The following GRIA1 variants were observed in gnomAD, a reference collection of about 807,000 sequenced individuals.
GRIA1 encodes the protein glutamate receptor 1.
Under a neutral mutation model 99.2 loss-of-function variants are expected in GRIA1, and 31 were observed. The observed-to-expected ratio is 0.31, with a 90% CI of 0.23 to 0.42. The LOEUF is 0.42. GRIA1 is among the 10% of genes least tolerant of loss of function. The probability of loss-of-function intolerance (pLI) is 1.00; values close to 1 mark genes in which losing one functional copy is unlikely to be tolerated. For missense variants in GRIA1, 782 were observed against 1,157.5 expected (o/e 0.68, Z 4.71); for synonymous variants, 438 against 432.4 (o/e 1.01, Z -0.16).
intron 8 of GRIA1, among the ~76,000 whole-genome samples, chr5:153,697,321 C>T (rs1758186965): frequency 6.6e-6 from 1 of 152,228 alleles, no homozygotes; most frequent in Non-Finnish European, 1.5e-5. Context: ...TGCATCTCGT[C>T]AACCCTGCCT....
At chr5:153,659,609 C>A (rs1480467885) in intron 5 of GRIA1, among the ~76,000 whole-genome samples, 2 of 152,188 alleles carry the variant, frequency 1.3e-5, no homozygotes, top group Admixed American at 6.5e-5. Flanking sequence ...AAACAGAGGA[C>A]CTGTGGACCT....
intron 13 of GRIA1, among the ~76,000 whole-genome samples, chr5:153,780,430 A>G (rs1339946510): frequency 1.3e-5 from 2 of 152,216 alleles, no homozygotes; most frequent in South Asian, 2.1e-4. Context: ...CTAGTTAATA[A>G]CAACTGTTTC....
chr5:153,727,590 T>A (rs914374536), intron 11 of GRIA1, among the ~76,000 whole-genome samples: 2 of 152,066 alleles, frequency 1.3e-5, no homozygotes, highest in Admixed American at 1.3e-4. Context: ...TATACACCAA[T>A]AACAGGCAAA....
chr5:153,510,345 G>T (rs996955279), intron 2 of GRIA1, among the ~76,000 whole-genome samples: 1 of 152,074 alleles, frequency 6.6e-6, no homozygotes, highest in Non-Finnish European at 1.5e-5. Context: ...ATTTGTAATT[G>T]AGACAGTTTC....
At chr5:153,491,697 C>T (rs1659756143) in intron 1 of GRIA1, among the ~76,000 whole-genome samples, 1 of 152,160 alleles carries the variant, frequency 6.6e-6, no homozygotes, top group Admixed American at 6.5e-5. Context: ...ACCTTTTACA[C>T]ACACAAACAC....
At chr5:153,701,619 CA>C (rs70978504) in intron 10 of GRIA1, among the ~76,000 whole-genome samples, 822 of 39,392 alleles carry the variant, frequency 0.021, 18 homozygotes, top group African/African-American at 0.066. Context: ...AGACCCGTCT[CA>C]AAAAAAAAAA....
At chr5:153,707,220 A>G (rs775996912) in intron 11 of GRIA1, among the ~76,000 whole-genome samples, 11 of 152,218 alleles carry the variant, frequency 7.2e-5, no homozygotes, top group Non-Finnish European at 1.2e-4. Flanking sequence ...AGCCCCCCAC[A>G]TGGAATCAGA....
At chr5:153,494,290 A>T in intron 2 of GRIA1, 1 of 533,976 alleles carries the variant, frequency 1.9e-6, no homozygotes, top group Non-Finnish European at 3.3e-6. Context: ...ACTGTCAGCT[A>T]ACTTTAATGC....
chr5:153,729,551 T>TA (rs1377870867), intron 11 of GRIA1, among the ~76,000 whole-genome samples: 1 of 152,018 alleles, frequency 6.6e-6, no homozygotes, highest in African/African-American at 2.4e-5. Flanking sequence ...CATCCAGCTC[T>TA]CTGCAAATTC....
chr5:153,494,327 G>A (rs544382002), intron 2 of GRIA1: 3 of 435,912 alleles, frequency 6.9e-6, no homozygotes, highest in East Asian at 4.0e-5. Context: ...TGGGTTGACT[G>A]CATCTTCCCT....
intron 2 of GRIA1, among the ~76,000 whole-genome samples, chr5:153,572,336 G>A (rs1173978666): frequency 6.6e-6 from 1 of 152,190 alleles, no homozygotes; most frequent in Non-Finnish European, 1.5e-5. Context: ...GACCCGCAAA[G>A]AGTACACCAT....
rs1766957352 is a variant in GRIA1, at chr5:153,813,395, C to T, written c.*2170C>T. ...TTGGCCTAGTAAGATGCCTCTCCAG[C>T]TACTGAGCCCACAAGTAACATGAGC... is the stretch of plus-strand genomic sequence containing the variant. On this transcript the variant is annotated 3_prime_UTR_variant, in exon 16 of 16. Transcript: ENST00000285900. The T allele has an allele frequency of 6.6e-6, 1 of 152,158 alleles. No individual in the cohort carries two copies. The highest frequency in any genetic ancestry group is 2.4e-5 in the African/African-American group (1 of 41,422). The allele number at this position is 152,158 out of a possible 1,614,324, so 9.4% of individuals were successfully genotyped here.
At chr5:153,746,542 G>T (rs1561824994) in intron 11 of GRIA1, among the ~76,000 whole-genome samples, 1 of 152,174 alleles carries the variant, frequency 6.6e-6, no homozygotes, top group Non-Finnish European at 1.5e-5. Context: ...CCAGAGATAT[G>T]TTTGGCCACA....
chr5:153,767,222 G>A (rs540854817), intron 12 of GRIA1, among the ~76,000 whole-genome samples: 2 of 152,328 alleles, frequency 1.3e-5, no homozygotes, highest in South Asian at 2.1e-4. Context: ...ACTGGGTTAT[G>A]CCTGTGTTCT....
chr5:153,763,307 G>C (rs987256044), intron 11 of GRIA1, among the ~76,000 whole-genome samples: 2 of 152,128 alleles, frequency 1.3e-5, no homozygotes, highest in Non-Finnish European at 2.9e-5. Context: ...CTGCTGTCCC[G>C]AGGCACAGTA....
intron 2 of GRIA1, among the ~76,000 whole-genome samples, chr5:153,545,405 G>A (rs942521561): frequency 5.3e-5 from 8 of 152,148 alleles, no homozygotes; most frequent in Non-Finnish European, 1.0e-4. Flanking sequence ...TGTCTTCAGG[G>A]ACTGGGGGGA....
intron 2 of GRIA1, among the ~76,000 whole-genome samples, chr5:153,638,289 A>G (rs149541028): frequency 6.6e-6 from 1 of 152,386 alleles, no homozygotes; most frequent in Non-Finnish European, 1.5e-5. Flanking sequence ...ACTGAGTTAG[A>G]CATAGATCCT....
intron 2 of GRIA1, among the ~76,000 whole-genome samples, chr5:153,644,049 A>T (rs1753961546): frequency 6.6e-6 from 1 of 152,228 alleles, no homozygotes; most frequent in Admixed American, 6.5e-5. Context: ...TATTGCAGCA[A>T]GGGGAGAGAA....
intron 2 of GRIA1, among the ~76,000 whole-genome samples, chr5:153,524,582 A>G (rs1196535414): frequency 1.3e-5 from 2 of 152,178 alleles, no homozygotes; most frequent in Admixed American, 6.5e-5. Flanking sequence ...TAAAAAATCA[A>G]TGCATTAGAA....
Sources: gnomAD v4.1 joint callset for allele counts (sites outside exome capture counted in the v4.1 genomes callset) on GRCh38, gnomAD v4.1.1 for gene constraint, MANE v1.5 for transcripts, NCBI Gene and HGNC (gene_info 2026-07-23, HGNC 2026-07-21) for gene names.